The following MAP4 variants were observed in gnomAD, a reference collection of about 807,000 sequenced individuals.
The protein encoded by MAP4 is microtubule associated protein 4, also known as microtubule-associated protein 4.
In MAP4, 76 loss-of-function variants were observed where a neutral mutation model predicts 170.2. The observed-to-expected ratio is 0.45, with a 90% confidence interval of 0.37 to 0.54. The LOEUF (loss-of-function observed/expected upper bound fraction) is 0.54. Among genes scored for constraint, MAP4 ranks in the 20% least tolerant of loss-of-function variants. The pLI is 0.00. For missense variants in MAP4, 2,506 were observed against 2,748.0 expected (o/e 0.91, Z 1.97); for synonymous variants, 909 against 994.5 (o/e 0.91, Z 1.62).
rs2100080078 is a variant in MAP4, at chr3:47,973,571, G to GA, written c.292+4293dup. 16 of 984,244 alleles carry GA rather than the reference G, an allele frequency of 1.6e-5. No individual in the cohort carries two copies. In the South Asian group the frequency reaches 6.6e-4, roughly 41 times the overall value. 61.0% of individuals were successfully genotyped at this position (984,244 alleles called of 1,614,324 possible). ...GTAAGTTCAAAAAGGAAACATATTT[G>GA]AAAAAAACAAATTTCAAACAAAAAT... On this transcript the variant is annotated intron_variant, in intron 3 of 20. Transcript: ENST00000683076.
intron 3 of MAP4, among the ~76,000 whole-genome samples, chr3:47,955,768 C>CA: frequency 6.6e-6 from 1 of 152,294 alleles, no homozygotes; most frequent in South Asian, 2.1e-4. Flanking sequence ...ACAAGGTTGA[C>CA]AGTTTAGAGT....
chr3:47,862,188 A>G (rs1390629859), intron 17 of MAP4, among the ~76,000 whole-genome samples: 1 of 150,288 alleles, frequency 6.7e-6, no homozygotes, highest in African/African-American at 2.4e-5. Context: ...AAACCTAGGT[A>G]GCCCACACCA....
chr3:47,891,048 G>C (rs2100023641), intron 10 of MAP4: 3 of 1,494,580 alleles, frequency 2.0e-6, no homozygotes, highest in Non-Finnish European at 2.7e-6. Context: ...TTTTCAAACA[G>C]GAACGATGGA....
At chr3:47,935,549 C>T (rs2100052216) in intron 3 of MAP4, among the ~76,000 whole-genome samples, 1 of 152,028 alleles carries the variant, frequency 6.6e-6, no homozygotes, top group Admixed American at 6.6e-5. Flanking sequence ...TTTTGCTTTC[C>T]CCACCGAAGA....
intron 1 of MAP4, among the ~76,000 whole-genome samples, chr3:48,025,534 A>G (rs2100112612): frequency 6.6e-6 from 1 of 151,764 alleles, no homozygotes; most frequent in Non-Finnish European, 1.5e-5. Flanking sequence ...GGTGATCTGC[A>G]CACCTCAGCC....
chr3:47,957,476 A>G (rs9846062), intron 3 of MAP4, among the ~76,000 whole-genome samples: 57,296 of 151,912 alleles, frequency 0.38, 11,615 homozygotes, highest in African/African-American at 0.53. Context: ...TGGCCAAAAA[A>G]AAAGATGTAT....
chr3:47,863,655 C>T (rs1207141412), intron 17 of MAP4, among the ~76,000 whole-genome samples: 1 of 152,050 alleles, frequency 6.6e-6, no homozygotes, highest in Non-Finnish European at 1.5e-5. Context: ...TCAGTGCCCA[C>T]TACACATGCA....
intron 1 of MAP4, among the ~76,000 whole-genome samples, chr3:48,050,258 CAAAA>C (rs11345368): frequency 1.7e-5 from 2 of 120,568 alleles, no homozygotes; most frequent in Non-Finnish European, 3.4e-5. Flanking sequence ...GACTCCATCT[CAAAA>C]AAAAAAAAAA....
intron 1 of MAP4, among the ~76,000 whole-genome samples, chr3:48,030,491 A>T (rs529387308): frequency 1.6e-3 from 237 of 151,804 alleles, no homozygotes; most frequent in East Asian, 6.6e-3. Flanking sequence ...AAAATAAAAA[A>T]AAAAAAACAA....
At chr3:47,871,185 G>A (rs1352579432) in intron 14 of MAP4, 42 bp downstream of exon 14, 2 of 1,612,888 alleles carry the variant, frequency 1.2e-6, no homozygotes, top group Non-Finnish European at 1.7e-6. Flanking sequence ...AGGAGGTGGG[G>A]GTTCAAGTTA....
rs762557677 is a variant in MAP4, at chr3:47,998,666, T to C, written c.195A>G (p.Lys65=). 4.8e-5 allele frequency: 78 copies of C among 1,614,106 alleles called. No individual in the cohort carries two copies. The highest frequency in any genetic ancestry group is 6.6e-5 in the Non-Finnish European group (78 of 1,179,980). The stretch of plus-strand genomic sequence containing the variant: ...CAATCTGGCTAGTTTCTGAGCACGG[T>C]TTCTTCTTTGACTCTGAGTTCCCGG... ...EKTGNSESKK[K]PCSETSQIED... The change falls in exon 2 of 21, where the codon AAA becomes AAG. Residue 65 remains lysine (K), a synonymous_variant. Transcript: ENST00000683076.
intron 10 of MAP4, among the ~76,000 whole-genome samples, chr3:47,890,045 G>C (rs1330635442): frequency 6.6e-6 from 1 of 151,506 alleles, no homozygotes; most frequent in Non-Finnish European, 1.5e-5. Context: ...AATATACTGA[G>C]AGTAATAAAT....
Position 47,909,445 on chromosome 3 carries a change from G to A in MAP4, c.4976C>T (p.Thr1659Ile), listed in dbSNP as rs1259168585. 1.2e-6 allele frequency: 2 copies of A among 1,613,614 alleles called. No homozygotes were observed. The highest frequency in any genetic ancestry group is 1.7e-6 in the Non-Finnish European group (2 of 1,179,752). Residue 1659 changes from threonine (T) to isoleucine (I), a missense_variant, in exon 9 of 21, where the codon ACT (threonine) becomes ATT (isoleucine). By Grantham distance (89) the Thr-to-Ile change is moderately conservative. Transcript: ENST00000683076. ...SDSLNKKVDL[T>I]LLSPKSENDK... ...ATTTTCACTTTTTGGAGACAAAAGA[G>A]TCAGATCTACCTTCTTATTCAAACT...
At position 47,912,180 on chromosome 3, in the gene MAP4, T is replaced by C. The variant is rs747041800; in HGVS notation, c.2241A>G (p.Ser747=). ...TGCCAAGATCCCTCTGGGGTTCAAG[T>C]GAGTCAACATGAATACTTTTTCTTT... ...GNQRKSIHVD[S]LEPQRDLGRE... is the part of the protein sequence containing the mutation. Residue 747 remains serine (S), a synonymous_variant, in exon 9 of 21, where the codon TCA becomes TCG. Transcript: ENST00000683076. 6.9e-5 allele frequency: 106 copies of C among 1,536,056 alleles called. No individual in the cohort carries two copies. The highest frequency in any genetic ancestry group is 8.7e-5 in the Non-Finnish European group (100 of 1,146,926).
At chr3:48,081,345 C>G (rs2100146603) in intron 1 of MAP4, among the ~76,000 whole-genome samples, 2 of 151,578 alleles carry the variant, frequency 1.3e-5, no homozygotes, top group Non-Finnish European at 2.9e-5. Flanking sequence ...ATCTTCAATT[C>G]TAGATACAAT....
intron 1 of MAP4, among the ~76,000 whole-genome samples, chr3:48,044,580 T>C (rs1364768415): frequency 1.3e-5 from 2 of 151,816 alleles, no homozygotes; most frequent in Non-Finnish European, 2.9e-5. Context: ...CTGGCCAACA[T>C]GGCGAAACCT....
At chr3:48,009,407 T>C (rs2100104102) in intron 1 of MAP4, among the ~76,000 whole-genome samples, 1 of 152,170 alleles carries the variant, frequency 6.6e-6, no homozygotes, top group African/African-American at 2.4e-5. Context: ...AGCTGACTCA[T>C]GGAATGCCTT....
At chr3:48,069,601 G>A (rs1388132386) in intron 1 of MAP4, among the ~76,000 whole-genome samples, 1 of 152,190 alleles carries the variant, frequency 6.6e-6, no homozygotes, top group African/African-American at 2.4e-5. Flanking sequence ...TGACTGGTTT[G>A]CCTCTGAAGC....
chr3:47,858,626 G>GCGCGCGT (rs1443885169), intron 17 of MAP4, among the ~76,000 whole-genome samples: 50 of 148,084 alleles, frequency 3.4e-4, no homozygotes, highest in African/African-American at 1.3e-3. Context: ...CGCGTTGTGT[G>GCGCGCGT]TGTGTGTGTG....
Sources: gnomAD v4.1 joint callset for allele counts (sites outside exome capture counted in the v4.1 genomes callset) on GRCh38, gnomAD v4.1.1 for gene constraint, MANE v1.5 for transcripts, NCBI Gene and HGNC (gene_info 2026-07-23, HGNC 2026-07-21) for gene names.